NRXN3: variants seen among roughly 807,000 people sequenced by gnomAD.
NRXN3 encodes the protein neurexin III.
Under a neutral mutation model 137.6 loss-of-function variants are expected in NRXN3, and 32 were observed. That is an observed-to-expected ratio of 0.23 (90% CI 0.18 to 0.31). The LOEUF (loss-of-function observed/expected upper bound fraction) is 0.31, where lower values mean the gene tolerates loss of function less well. Among genes scored for constraint, NRXN3 ranks in the 10% least tolerant of loss-of-function variants. The probability of loss-of-function intolerance (pLI) is 1.00; values close to 1 mark genes in which losing one functional copy is unlikely to be tolerated. For missense variants in NRXN3, 1,574 were observed against 2,062.5 expected, an observed-to-expected ratio of 0.76 and a Z score of 4.59; for synonymous variants, 798 against 784.5, an observed-to-expected ratio of 1.02 and a Z score of -0.29.
chr14:79,117,460 G>A (rs1471675323), intron 15 of NRXN3, among the ~76,000 whole-genome samples: 6 of 152,146 alleles, frequency 3.9e-5, no homozygotes, highest in Non-Finnish European at 7.4e-5. Context: ...ATATGGACAT[G>A]TTCTGGATCC....
chr14:79,143,985 T>G (rs2059058674), intron 15 of NRXN3, among the ~76,000 whole-genome samples: 1 of 152,030 alleles, frequency 6.6e-6, no homozygotes, highest in Admixed American at 6.5e-5. Flanking sequence ...AAAGGTGGAG[T>G]GAAGGCAAAA....
chr14:78,577,622 C>T (rs1362032221), intron 4 of NRXN3, among the ~76,000 whole-genome samples: 14 of 152,094 alleles, frequency 9.2e-5, no homozygotes, highest in South Asian at 2.1e-4. Flanking sequence ...TGTAGTACCA[C>T]GCCCAGCTAA....
intron 4 of NRXN3, among the ~76,000 whole-genome samples, chr14:78,602,775 C>A (rs150522120): frequency 7.2e-5 from 11 of 152,352 alleles, no homozygotes; most frequent in African/African-American, 2.2e-4. Flanking sequence ...AGCCTTGTGT[C>A]TTCAGAGTCC....
chr14:78,192,065 AGTGTGTGTGTGTGTGT>A (rs34445474), intron 1 of NRXN3, among the ~76,000 whole-genome samples: 16 of 142,960 alleles, frequency 1.1e-4, no homozygotes, highest in African/African-American at 2.6e-4. Flanking sequence ...GCTGCCCGAA[AGTGTGTGTGTGTGTGT>A]GTGTGTGTGT....
intron 19 of NRXN3, among the ~76,000 whole-genome samples, chr14:79,698,211 A>G (rs981757905): frequency 8.6e-5 from 13 of 152,038 alleles, no homozygotes; most frequent in African/African-American, 2.9e-4. Context: ...CTACACTTTC[A>G]GTATGAAATA....
At chr14:79,662,003 T>C (rs1226568512) in intron 16 of NRXN3, among the ~76,000 whole-genome samples, 3 of 152,128 alleles carry the variant, frequency 2.0e-5, no homozygotes, top group Non-Finnish European at 4.4e-5. Flanking sequence ...CTCATGATAG[T>C]GAGTGAGTTC....
In NRXN3 at chr14:79,575,666, G is replaced by A. The variant is rs186864026; in HGVS notation, c.3445-88112G>A. Reference sequence around the variant, plus strand: ...TTCCCATCACTTTAGATTCCTTTCCGTGTCAATGATGGCTTTTAATCCCAA... The same window carrying A: ...TTCCCATCACTTTAGATTCCTTTCCATGTCAATGATGGCTTTTAATCCCAA... On this transcript the variant is annotated intron_variant, in intron 16 of 20. Transcript: ENST00000335750. 2.4e-3 allele frequency among the ~76,000 whole-genome samples: 362 copies of A among 151,906 alleles called. 2 individuals carry two copies. Among genetic ancestry groups the A allele is most frequent in the African/African-American group, 8.3e-3 (342 of 41,432 alleles).
In NRXN3 at chr14:78,533,876, T is replaced by G. The variant is rs913295317; in HGVS notation, c.758-111244T>G. ...CTGAGTTACCTGTTTTTGTATTTTT[T>G]TTCCTCAATGTGCCTCCATACTCAG... On this transcript the variant is annotated intron_variant, in intron 4 of 20. Coordinates refer to ENST00000335750, the MANE Select transcript of NRXN3 (RefSeq NM_001330195.2). 2.6e-5 allele frequency among the ~76,000 whole-genome samples: 4 copies of G among 152,262 alleles called. 1 individual carries two copies. In the South Asian group the frequency reaches 6.2e-4, roughly 24 times the overall value.
chr14:78,241,700 A>C (rs563981450), intron 1 of NRXN3, among the ~76,000 whole-genome samples: 2 of 152,260 alleles, frequency 1.3e-5, no homozygotes, highest in Admixed American at 1.3e-4. Context: ...GGAAGAGGCT[A>C]TTATTTTCTC....
chr14:78,715,297 G>A (rs1237097470), intron 8 of NRXN3, among the ~76,000 whole-genome samples, 158 bp downstream of exon 8: 2 of 152,168 alleles, frequency 1.3e-5, no homozygotes, highest in African/African-American at 2.4e-5. Context: ...TTCTAGTTCT[G>A]AATGCTTGGG....
At chr14:78,356,104 A>G (rs754246582) in intron 4 of NRXN3, among the ~76,000 whole-genome samples, 6 of 152,196 alleles carry the variant, frequency 3.9e-5, no homozygotes, top group South Asian at 4.1e-4. Flanking sequence ...GGAAAGGCCA[A>G]TTGTTGACAC....
chr14:79,590,578 A>G (rs1461553829), intron 16 of NRXN3, among the ~76,000 whole-genome samples: 1 of 152,128 alleles, frequency 6.6e-6, no homozygotes, highest in Admixed American at 6.5e-5. Flanking sequence ...GCATCACATG[A>G]TATCTAAATT....
chr14:78,855,245 G>A (rs1442263264), intron 10 of NRXN3, among the ~76,000 whole-genome samples: 2 of 151,954 alleles, frequency 1.3e-5, no homozygotes, highest in Non-Finnish European at 2.9e-5. Flanking sequence ...ACGATAGAGT[G>A]ACTTTTATGT....
intron 4 of NRXN3, among the ~76,000 whole-genome samples, chr14:78,421,748 C>G (rs894166364): frequency 1.3e-5 from 2 of 152,098 alleles, no homozygotes; most frequent in African/African-American, 4.8e-5. Flanking sequence ...TGGCATCAAA[C>G]TTGTGAGCTC....
intron 15 of NRXN3, among the ~76,000 whole-genome samples, chr14:79,026,862 A>G (rs992173187): frequency 6.6e-6 from 1 of 151,150 alleles, no homozygotes; most frequent in Non-Finnish European, 1.5e-5. Context: ...GTGAAATCCA[A>G]TTAGCAAGAT....
At chr14:78,335,908 A>C (rs886733638) in intron 4 of NRXN3, among the ~76,000 whole-genome samples, 1 of 152,196 alleles carries the variant, frequency 6.6e-6, no homozygotes, top group African/African-American at 2.4e-5. Context: ...AGGTAACCAG[A>C]ACCCTAACTC....
rs776760784 is a variant in NRXN3, at chr14:79,467,217, G to A, written c.3263-4G>A. 2.5e-6 allele frequency: 4 copies of A among 1,592,590 alleles called. No homozygotes were observed. Among genetic ancestry groups the A allele is most frequent in the Admixed American group, 3.4e-5 (2 of 59,456 alleles). On this transcript the variant is annotated splice_polypyrimidine_tract_variant and splice_region_variant and intron_variant, in intron 15 of 20. Transcript: ENST00000335750. ...GATGTCTCCCTCTCTCCTTGCTTTT[G>A]CAGCTGGCGCTACGTACATCTTTGG...
At chr14:79,553,764 C>T (rs1028947220) in intron 16 of NRXN3, among the ~76,000 whole-genome samples, 1 of 152,142 alleles carries the variant, frequency 6.6e-6, no homozygotes, top group Non-Finnish European at 1.5e-5. Flanking sequence ...AATTAGTATC[C>T]CCTCACTGAG....
chr14:78,199,712 C>T (rs908604499), intron 1 of NRXN3, among the ~76,000 whole-genome samples: 2 of 152,164 alleles, frequency 1.3e-5, no homozygotes, highest in African/African-American at 4.8e-5. Flanking sequence ...GGGTTTGTTT[C>T]CTGGCTCTAT....
Sources: gnomAD v4.1 joint callset for allele counts (sites outside exome capture counted in the v4.1 genomes callset) on GRCh38, gnomAD v4.1.1 for gene constraint, MANE v1.5 for transcripts, NCBI Gene and HGNC (gene_info 2026-07-23, HGNC 2026-07-21) for gene names.